The following EIF4E3 variants were observed in gnomAD, a reference collection of about 807,000 sequenced individuals.
EIF4E3 encodes eukaryotic translation initiation factor 4E family member 3.
Under a neutral mutation model 31.7 loss-of-function variants are expected in EIF4E3, and 26 were observed. The observed-to-expected ratio is 0.82, with a 90% CI of 0.60 to 1.14. EIF4E3 has a LOEUF of 1.14. Ranked by LOEUF, EIF4E3 falls within the 50% of genes most tolerant of loss-of-function variation. The pLI, the probability that EIF4E3 is intolerant of heterozygous loss-of-function variation, is 0.00. For synonymous variants in EIF4E3, 128 were observed against 107.7 expected (o/e 1.19, Z -1.17); for missense variants, 304 against 270.9 (o/e 1.12, Z -0.86).
At chr3:71,705,928 A>G (rs1265595605) in intron 2 of EIF4E3, among the ~76,000 whole-genome samples, 2 of 152,216 alleles carry the variant, frequency 1.3e-5, no homozygotes, top group African/African-American at 4.8e-5. Context: ...GCACCCGGCT[A>G]AAAGCCATTT....
At chr3:71,659,390 C>G in the EIF4E3 span, among the ~76,000 whole-genome samples, 1 of 152,196 alleles carries the variant, frequency 6.6e-6, no homozygotes, top group Non-Finnish European at 1.5e-5. Flanking sequence ...TTAATTATGG[C>G]ATCAGACTTA....
intron 1 of EIF4E3, among the ~76,000 whole-genome samples, chr3:71,734,448 T>C (rs1435225870): frequency 2.0e-5 from 3 of 152,218 alleles, no homozygotes; most frequent in Non-Finnish European, 2.9e-5. Context: ...CTAAGGGTCA[T>C]GTCTGCTTGC....
chr3:71,733,098 G>A (rs558978968), intron 1 of EIF4E3, among the ~76,000 whole-genome samples: 2 of 152,340 alleles, frequency 1.3e-5, no homozygotes, highest in Non-Finnish European at 2.9e-5. Context: ...TCTAGAGACA[G>A]GTGGAGTGAA....
intron 1 of EIF4E3, among the ~76,000 whole-genome samples, chr3:71,734,468 C>G (rs1030439765): frequency 6.6e-6 from 1 of 152,000 alleles, no homozygotes; most frequent in Non-Finnish European, 1.5e-5. Flanking sequence ...CCTTATTGGA[C>G]TAAAATATTT....
chr3:71,749,546 A>G (rs2049906185), intron 1 of EIF4E3, among the ~76,000 whole-genome samples: 1 of 152,216 alleles, frequency 6.6e-6, no homozygotes, highest in Admixed American at 6.5e-5. Context: ...AACAGGATAC[A>G]CTGGCCAGAC....
At chr3:71,725,789 T>G (rs1482965471), upstream of EIF4E3, among the ~76,000 whole-genome samples, 1 of 151,688 alleles carries the variant, frequency 6.6e-6, no homozygotes, top group Non-Finnish European at 1.5e-5. This position sits in a 1 kb window ranked among gnomAD's most constrained non-coding sequence, Gnocchi z 6.1. Context: ...GATGGAGGGA[T>G]GGATGGGACA....
chr3:71,660,551 T>A, the EIF4E3 span, among the ~76,000 whole-genome samples: 10 of 152,020 alleles, frequency 6.6e-5, no homozygotes, highest in African/African-American at 9.7e-5. Flanking sequence ...AGCCGAGGGA[T>A]CCTTAGAGCC....
Position 71,679,905 on chromosome 3 carries a change from A to G in EIF4E3, c.*4777T>C, listed in dbSNP as rs1279381900. On this transcript the variant is annotated 3_prime_UTR_variant, in exon 7 of 7. Transcript: ENST00000425534. Reference sequence around the variant, plus strand: ...TGCTGAACCCCAGATGCCATAAGACATTATAGAAAAGTAGTTACTGCACAT... The same window carrying G: ...TGCTGAACCCCAGATGCCATAAGACGTTATAGAAAAGTAGTTACTGCACAT... The G allele has an allele frequency of 6.6e-6, 1 of 152,206 alleles. No individual in the cohort carries two copies. Among genetic ancestry groups the G allele is most frequent in the African/African-American group, 2.4e-5 (1 of 41,458 alleles). The allele number at this position is 152,206 out of a possible 1,614,324, so 9.4% of individuals were successfully genotyped here.
At position 71,683,044 on chromosome 3, in the gene EIF4E3, G is replaced by A. The variant is rs1238269306; in HGVS notation, c.*1638C>T. On this transcript the variant is annotated 3_prime_UTR_variant, in exon 7 of 7. Transcript: ENST00000425534. Reference sequence around the variant, plus strand: ...TCCTAGGCTTTTGCTAACTGGATCTGATATTCTTATACTTCATTTTGAAAT... The same window carrying A: ...TCCTAGGCTTTTGCTAACTGGATCTAATATTCTTATACTTCATTTTGAAAT... The A allele has an allele frequency of 6.6e-6, 1 of 151,688 alleles. No homozygotes were observed. Among genetic ancestry groups the A allele is most frequent in the East Asian group, 1.9e-4 (1 of 5,182 alleles). The allele number at this position is 151,688 out of a possible 1,614,324, so 9.4% of individuals were successfully genotyped here.
chr3:71,661,014 G>A, the EIF4E3 span, among the ~76,000 whole-genome samples: 2 of 152,032 alleles, frequency 1.3e-5, no homozygotes, highest in Non-Finnish European at 2.9e-5. Flanking sequence ...CACTGGCAGG[G>A]ATGCGAGCGT....
At chr3:71,730,905 G>A (rs2049699445) in intron 1 of EIF4E3, among the ~76,000 whole-genome samples, 1 of 152,010 alleles carries the variant, frequency 6.6e-6, no homozygotes. Flanking sequence ...TAAATTTTTT[G>A]TAGAGACAGG....
intron 4 of EIF4E3, among the ~76,000 whole-genome samples, chr3:71,695,406 A>G (rs1325810749): frequency 6.6e-6 from 1 of 152,232 alleles, no homozygotes; most frequent in Non-Finnish European, 1.5e-5. Flanking sequence ...GCCGCTTTTC[A>G]AGGAATGTTG....
upstream of EIF4E3, among the ~76,000 whole-genome samples, chr3:71,728,007 C>T (rs1279484268): frequency 2.0e-5 from 3 of 152,176 alleles, no homozygotes; most frequent in Admixed American, 1.3e-4. Context: ...CTTTGGCTTC[C>T]AGGCTGCTCA....
intron 6 of EIF4E3, among the ~76,000 whole-genome samples, 185 bp from the exon 7 acceptor site, chr3:71,684,913 G>T (rs980923228): frequency 6.6e-6 from 1 of 152,032 alleles, no homozygotes; most frequent in African/African-American, 2.4e-5. Flanking sequence ...CCTGAGAAAC[G>T]TAATAATGAA....
At chr3:71,713,599 G>A (rs1229198105) in intron 1 of EIF4E3, among the ~76,000 whole-genome samples, 1 of 152,004 alleles carries the variant, frequency 6.6e-6, no homozygotes, top group African/African-American at 2.4e-5. Context: ...ACCACAGCCA[G>A]CTAATTTTTG....
chr3:71,688,600 G>A (rs1371239517), intron 6 of EIF4E3, among the ~76,000 whole-genome samples: 1 of 151,972 alleles, frequency 6.6e-6, no homozygotes, highest in African/African-American at 2.4e-5. Flanking sequence ...GTTCAAAGGT[G>A]GGAAAAAATG....
chr3:71,745,132 T>C (rs1275633102), intron 1 of EIF4E3, among the ~76,000 whole-genome samples: 6 of 152,362 alleles, frequency 3.9e-5, no homozygotes, highest in Non-Finnish European at 8.8e-5. Context: ...TCTGTCTGCC[T>C]TATCTCTAAG....
chr3:71,748,907 TG>T (rs761027868), intron 1 of EIF4E3, among the ~76,000 whole-genome samples: 21 of 152,194 alleles, frequency 1.4e-4, no homozygotes, highest in Non-Finnish European at 2.4e-4. Flanking sequence ...CTGCACTTCT[TG>T]CACTCTTGAT....
At chr3:71,754,417 C>A, upstream of EIF4E3, 1 of 1,350,964 alleles carries the variant, frequency 7.4e-7, no homozygotes, top group African/African-American at 1.5e-5. The surrounding 1 kb of genome is among the most constrained non-coding windows in gnomAD (Gnocchi z 5.8). Flanking sequence ...CGCTACCTGG[C>A]CATCGCGCAC....
Sources: gnomAD v4.1 joint callset for allele counts (sites outside exome capture counted in the v4.1 genomes callset) on GRCh38, gnomAD v4.1.1 for gene constraint, Gnocchi (gnomAD v3.1) non-coding constraint, MANE v1.5 for transcripts, NCBI Gene and HGNC (gene_info 2026-07-23, HGNC 2026-07-21) for gene names.